POM121C: variants seen among roughly 807,000 people sequenced by gnomAD.
POM121C encodes the protein POM121 transmembrane nucleoporin C.
A neutral mutation model predicts 66.4 loss-of-function variants in POM121C; 20 were observed. That is an observed-to-expected ratio of 0.30 (90% CI 0.21 to 0.44). The LOEUF is 0.44. Ranked by LOEUF, POM121C falls within the 20% of genes least tolerant of loss-of-function variation. The probability of loss-of-function intolerance (pLI) is 1.00; values close to 1 mark genes in which losing one functional copy is unlikely to be tolerated. For missense variants in POM121C, 580 were observed against 1,225.7 expected (o/e 0.47, Z 7.87); for synonymous variants, 286 against 528.0 (o/e 0.54, Z 6.28).
At chr7:75,449,353 C>T (rs1164282876) in intron 3 of POM121C, among the ~76,000 whole-genome samples, 1 of 149,918 alleles carries the variant, frequency 6.7e-6, no homozygotes, top group Non-Finnish European at 1.5e-5. Flanking sequence ...CACAACACTC[C>T]ACTGTTCTCT....
At position 75,456,540 on chromosome 7, in the gene POM121C, T is replaced by C. The variant is rs1295811850; in HGVS notation, c.-151-14893A>G. On this transcript the variant is annotated intron_variant, in intron 3 of 14. Coordinates refer to ENST00000615331, the MANE Select transcript of POM121C (RefSeq NM_001099415.3). ...AACAGACGAAATGAGGAAGAAGATCTGGAGAGGTCGCACGAGCCAGAGCGC... is the reference window on the plus strand; with the variant it reads ...AACAGACGAAATGAGGAAGAAGATCCGGAGAGGTCGCACGAGCCAGAGCGC... Among the ~76,000 whole-genome samples, 4 of 152,266 alleles carry C rather than the reference T, an allele frequency of 2.6e-5. No individual in the cohort carries two copies. In the East Asian group the frequency reaches 7.8e-4, roughly 30 times the overall value.
chr7:75,456,424 T>C (rs1236565904), intron 3 of POM121C, among the ~76,000 whole-genome samples: 3 of 152,344 alleles, frequency 2.0e-5, no homozygotes, highest in African/African-American at 7.2e-5. Context: ...TGCCACACAT[T>C]CGTCTATTTC....
At chr7:75,428,856 T>C (rs1554471987) in intron 7 of POM121C, among the ~76,000 whole-genome samples, 1 of 151,686 alleles carries the variant, frequency 6.6e-6, no homozygotes, top group African/African-American at 2.4e-5. Context: ...GGTGCATGCC[T>C]GTAATCCCAA....
intron 1 of POM121C, chr7:75,484,219 C>T (rs1390780223): frequency 6.8e-6 from 11 of 1,609,612 alleles, no homozygotes; most frequent in South Asian, 1.1e-5. Flanking sequence ...TCATTTTCTG[C>T]TGCTCTTGGA....
At chr7:75,467,737 G>C (rs1160512407) in intron 3 of POM121C, among the ~76,000 whole-genome samples, 1 of 151,760 alleles carries the variant, frequency 6.6e-6, no homozygotes, top group African/African-American at 2.4e-5. Flanking sequence ...CTAGGTATTG[G>C]GGATACAGTC....
In POM121C at chr7:75,484,737, T is replaced by C. The variant is rs1301709819; in HGVS notation, c.-458+1127A>G. On this transcript the variant is annotated intron_variant, in intron 1 of 14. Coordinates refer to ENST00000615331, the MANE Select transcript of POM121C (RefSeq NM_001099415.3). The stretch of plus-strand genomic sequence containing the variant: ...AACTCTAAGATAATCAGGTAGTAAT[T>C]AGATGAGTTAGACTCTCATGGGTAA... 4.6e-5 allele frequency among the ~76,000 whole-genome samples: 7 copies of C among 151,580 alleles called. 1 individual carries two copies. The highest frequency in any genetic ancestry group is 6.9e-3 in the Middle Eastern group (2 of 288).
intron 10 of POM121C, 72 bp from the exon 11 acceptor site, chr7:75,424,700 G>C: frequency 6.3e-7 from 1 of 1,575,870 alleles, no homozygotes; most frequent in Non-Finnish European, 8.7e-7. Flanking sequence ...GGCTAACGCC[G>C]GTAATCTCAG....
chr7:75,472,373 C>T (rs1308057476), intron 3 of POM121C, among the ~76,000 whole-genome samples: 1 of 151,756 alleles, frequency 6.6e-6, no homozygotes, highest in African/African-American at 2.4e-5. Flanking sequence ...ATAGGCCGGG[C>T]GTGATGGTGC....
At chr7:75,468,617 C>T (rs1226455157) in intron 3 of POM121C, among the ~76,000 whole-genome samples, 4 of 152,144 alleles carry the variant, frequency 2.6e-5, no homozygotes, top group African/African-American at 9.6e-5. Flanking sequence ...ACACGCCTGA[C>T]TGACTCCAGC....
chr7:75,452,429 T>C (rs2116451626), intron 3 of POM121C, among the ~76,000 whole-genome samples: 1 of 152,352 alleles, frequency 6.6e-6, no homozygotes, highest in African/African-American at 2.4e-5. Context: ...GCCACTTGCC[T>C]AGGCGAGTGA....
chr7:75,438,962 AAAGG>A (rs1554473418), intron 6 of POM121C, among the ~76,000 whole-genome samples, 178 bp downstream of exon 6: 4 of 152,266 alleles, frequency 2.6e-5, no homozygotes. Flanking sequence ...AAGAACATTA[AAAGG>A]AATTAGACAG....
chr7:75,442,169 C>A lies in POM121C; in HGVS notation c.-151-522G>T, dbSNP rs1273920442. On this transcript the variant is annotated intron_variant, in intron 3 of 14. Transcript: ENST00000615331. Reference sequence around the variant, plus strand: ...CCGTGGGGAAGGCCTCCCGGAGGGTCGGAGAAGAGGAGTGGGGAGAGAGGG... The same window carrying A: ...CCGTGGGGAAGGCCTCCCGGAGGGTAGGAGAAGAGGAGTGGGGAGAGAGGG... The A allele has an allele frequency of 2.2e-5, 29 of 1,319,064 alleles. 1 individual carries two copies. The East Asian group carries it at 3.0e-4, about 14-fold the overall frequency. The allele number at this position is 1,319,064 out of a possible 1,614,324, so 81.7% of individuals were successfully genotyped here.
rs2116341184 is a variant in POM121C at position 75,425,404 on chromosome 7, A to G, written c.647-209T>C. 3 of 986,912 alleles carry G rather than the reference A, an allele frequency of 3.0e-6. No homozygotes were observed. In the African/African-American group the frequency reaches 4.9e-5, roughly 16 times the overall value. 61.1% of individuals were successfully genotyped at this position (986,912 alleles called of 1,614,324 possible). A position where few individuals can be genotyped will look rare whatever the true frequency, so the allele number is the denominator to read the frequency against. ...TGTGCAGTAATTACTGGGATCACCC[A>G]CAGGTGACTCAAACTGAGCTTACCT... On this transcript the variant is annotated intron_variant, in intron 9 of 14. Transcript: ENST00000615331.
At chr7:75,446,880 C>T (rs868917092) in intron 3 of POM121C, among the ~76,000 whole-genome samples, 23,944 of 146,956 alleles carry the variant, frequency 0.16, 2,552 homozygotes, top group African/African-American at 0.3. Flanking sequence ...TGGTGGCGGG[C>T]GCCTGTAGTC....
chr7:75,453,418 G>A (rs1324694365), intron 3 of POM121C, among the ~76,000 whole-genome samples: 22 of 150,844 alleles, frequency 1.5e-4, no homozygotes, highest in Admixed American at 4.6e-4. Context: ...CCCCAACTCT[G>A]CTAAAAATAC....
Position 75,457,940 on chromosome 7 carries a change from G to A in POM121C, c.-151-16293C>T, listed in dbSNP as rs111938318. ...TATTAAAAAGCTTTAAAGCAGTAAAGAAAGGAAGGAAGGGAAGGAAAGTAC... is the reference window on the plus strand; with the variant it reads ...TATTAAAAAGCTTTAAAGCAGTAAAAAAAGGAAGGAAGGGAAGGAAAGTAC... On this transcript the variant is annotated intron_variant, in intron 3 of 14. Transcript: ENST00000615331. 1.4e-4 allele frequency among the ~76,000 whole-genome samples: 21 copies of A among 152,394 alleles called. No individual in the cohort carries two copies. The East Asian group carries it at 3.3e-3, about 24-fold the overall frequency.
At position 75,452,159 on chromosome 7, in the gene POM121C, G is replaced by A. The variant is rs187095746; in HGVS notation, c.-151-10512C>T. On this transcript the variant is annotated intron_variant, in intron 3 of 14. Coordinates refer to ENST00000615331, the MANE Select transcript of POM121C (RefSeq NM_001099415.3). ...AGCCTGGGTGACAGAGTGAGACTCC[G>A]CCTCAAAAAACAAAAAGGCTGGGTG... is the stretch of plus-strand genomic sequence containing the variant. 3.9e-3 allele frequency among the ~76,000 whole-genome samples: 586 copies of A among 151,618 alleles called. 4 individuals carry two copies. Among genetic ancestry groups the A allele is most frequent in the African/African-American group, 0.013 (557 of 41,322 alleles).
intron 6 of POM121C, among the ~76,000 whole-genome samples, chr7:75,438,706 C>G (rs1375632555): frequency 6.6e-6 from 1 of 152,238 alleles, no homozygotes; most frequent in Non-Finnish European, 1.5e-5. Flanking sequence ...GTGGCCACAT[C>G]ACACTGCTGA....
At chr7:75,432,854 C>T (rs1341327432) in intron 7 of POM121C, among the ~76,000 whole-genome samples, 7 of 152,154 alleles carry the variant, frequency 4.6e-5, no homozygotes, top group Non-Finnish European at 5.9e-5. Flanking sequence ...AGACTCGGAT[C>T]GCTGGGACAG....
Sources: gnomAD v4.1 joint callset for allele counts (sites outside exome capture counted in the v4.1 genomes callset) on GRCh38, gnomAD v4.1.1 for gene constraint, MANE v1.5 for transcripts, NCBI Gene and HGNC (gene_info 2026-07-23, HGNC 2026-07-21) for gene names.